The following FHIT variants were observed in gnomAD, a reference collection of about 807,000 sequenced individuals.
FHIT encodes bis(5'-adenosyl)-triphosphatase.
FHIT carries 19 observed loss-of-function variants against 17.9 expected under a neutral mutation model. That is an observed-to-expected ratio of 1.06 (90% CI 0.74 to 1.56). The LOEUF is 1.56. Among genes scored for constraint, FHIT ranks in the 40% most tolerant of loss-of-function variants. The pLI is 0.00. For missense variants in FHIT, 248 were observed against 189.2 expected (o/e 1.31, Z -1.82); for synonymous variants, 81 against 69.7 (o/e 1.16, Z -0.81).
At chr3:60,624,222 T>G (rs575051112) in intron 4 of FHIT, among the ~76,000 whole-genome samples, 79 of 152,300 alleles carry the variant, frequency 5.2e-4, no homozygotes, top group Non-Finnish European at 1.0e-3. Flanking sequence ...GGTGCCAGAA[T>G]GCAAAATGAG....
intron 5 of FHIT, among the ~76,000 whole-genome samples, chr3:60,426,031 T>C (rs768889230): frequency 2.0e-5 from 3 of 152,118 alleles, no homozygotes; most frequent in Non-Finnish European, 4.4e-5. Context: ...ACACAAGTCA[T>C]GACCAACAGA....
intron 8 of FHIT, among the ~76,000 whole-genome samples, chr3:59,850,833 A>C (rs1056578208): frequency 6.6e-6 from 1 of 152,184 alleles, no homozygotes; most frequent in African/African-American, 2.4e-5. Flanking sequence ...AACAAAAAGA[A>C]TACTACTGTG....
chr3:60,989,298 T>C (rs1002386881), intron 3 of FHIT, among the ~76,000 whole-genome samples: 1 of 152,106 alleles, frequency 6.6e-6, no homozygotes, highest in Non-Finnish European at 1.5e-5. Flanking sequence ...CACAGGTGTG[T>C]ACCACCACAC....
chr3:59,843,537 A>T (rs1210691239), intron 8 of FHIT, among the ~76,000 whole-genome samples: 1 of 152,162 alleles, frequency 6.6e-6, no homozygotes, highest in Non-Finnish European at 1.5e-5. Context: ...AAATCTTCTA[A>T]TCCATAAACA....
At chr3:60,753,896 G>A (rs372153915) in intron 4 of FHIT, among the ~76,000 whole-genome samples, 4 of 152,066 alleles carry the variant, frequency 2.6e-5, no homozygotes, top group Admixed American at 6.6e-5. Flanking sequence ...TTTTAAGTAT[G>A]TAAGGCCTGT....
chr3:60,010,945 G>T (rs1384076712), intron 7 of FHIT, among the ~76,000 whole-genome samples: 1 of 152,138 alleles, frequency 6.6e-6, no homozygotes, highest in Non-Finnish European at 1.5e-5. Flanking sequence ...TACTGCTGCG[G>T]TTATTGCTTC....
At chr3:60,792,829 ATTTC>A (rs1553728945) in intron 4 of FHIT, among the ~76,000 whole-genome samples, 1 of 124,048 alleles carries the variant, frequency 8.1e-6, no homozygotes, top group Non-Finnish European at 1.6e-5. Flanking sequence ...CGAGAAAACA[ATTTC>A]TTTTTTTTTT....
chr3:61,101,484 C>G (rs1249632829), intron 2 of FHIT, among the ~76,000 whole-genome samples: 3 of 152,160 alleles, frequency 2.0e-5, no homozygotes, highest in Non-Finnish European at 1.5e-5. Context: ...AGTTTGAAGT[C>G]AGGTAGCAGG....
At chr3:60,312,976 C>T (rs1214496161) in intron 5 of FHIT, among the ~76,000 whole-genome samples, 1 of 152,176 alleles carries the variant, frequency 6.6e-6, no homozygotes, top group Non-Finnish European at 1.5e-5. Context: ...CGAGTGCATC[C>T]ATAACCCAGT....
intron 4 of FHIT, among the ~76,000 whole-genome samples, chr3:60,754,367 A>T (rs2108038732): frequency 6.6e-6 from 1 of 152,330 alleles, no homozygotes; most frequent in East Asian, 1.9e-4. Flanking sequence ...GGAATCTCAC[A>T]TACGAGTAGA....
intron 8 of FHIT, among the ~76,000 whole-genome samples, chr3:59,878,743 G>A (rs1313113676): frequency 1.4e-4 from 22 of 152,174 alleles, no homozygotes; most frequent in Admixed American, 1.4e-3. Flanking sequence ...CATAGTTATT[G>A]ACGAGCGTTT....
At chr3:60,008,383 T>C (rs1040450006) in intron 7 of FHIT, among the ~76,000 whole-genome samples, 3 of 152,158 alleles carry the variant, frequency 2.0e-5, no homozygotes, top group Non-Finnish European at 4.4e-5. Flanking sequence ...GTCACTTTTT[T>C]ACTTTGATAT....
intron 5 of FHIT, among the ~76,000 whole-genome samples, chr3:60,415,862 T>C (rs1179526480): frequency 3.4e-5 from 4 of 117,874 alleles, no homozygotes; most frequent in Non-Finnish European, 7.7e-5. Context: ...ATATAAGATA[T>C]TATTATATAA....
intron 5 of FHIT, among the ~76,000 whole-genome samples, chr3:60,199,953 T>C (rs1163697058): frequency 6.6e-6 from 1 of 152,130 alleles, no homozygotes. Context: ...CAGACACTAA[T>C]ATTCTTTTGT....
At chr3:60,132,265 T>C (rs754536854) in intron 5 of FHIT, among the ~76,000 whole-genome samples, 6 of 152,216 alleles carry the variant, frequency 3.9e-5, no homozygotes, top group Non-Finnish European at 8.8e-5. Flanking sequence ...ATTCTCTCAC[T>C]ATCACACAAG....
chr3:60,777,352 G>A (rs545829210), intron 4 of FHIT, among the ~76,000 whole-genome samples: 23 of 152,310 alleles, frequency 1.5e-4, no homozygotes, highest in Admixed American at 4.6e-4. Flanking sequence ...AACTCAAAGC[G>A]GAGCCTTCCA....
chr3:60,110,149 C>T (rs1704608280), intron 5 of FHIT, among the ~76,000 whole-genome samples: 2 of 152,128 alleles, frequency 1.3e-5, no homozygotes, highest in African/African-American at 4.8e-5. Context: ...CATATGAGGA[C>T]ACGGGGGGTT....
At position 59,999,784 on chromosome 3, in the gene FHIT, T is replaced by C. The variant is rs80074713; in HGVS notation, c.279+11587A>G. 1.1e-3 allele frequency among the ~76,000 whole-genome samples: 165 copies of C among 152,154 alleles called. 1 individual carries two copies. In the East Asian group the frequency reaches 0.029, roughly 26 times the overall value. ...CACCACACCTGGCTAATTTTTGTAG[T>C]TTTAGTAGAGACAGGGTTTCACCAT... On this transcript the variant is annotated intron_variant, in intron 7 of 9. Coordinates refer to ENST00000492590, the MANE Select transcript of FHIT (RefSeq NM_002012.4).
chr3:59,889,988 C>T (rs1289827450), intron 8 of FHIT, among the ~76,000 whole-genome samples: 1 of 152,130 alleles, frequency 6.6e-6, no homozygotes, highest in Non-Finnish European at 1.5e-5. Context: ...TCCTTAGAAT[C>T]TTAGGCAAAG....
Sources: gnomAD v4.1 joint callset for allele counts (sites outside exome capture counted in the v4.1 genomes callset) on GRCh38, gnomAD v4.1.1 for gene constraint, MANE v1.5 for transcripts, NCBI Gene and HGNC (gene_info 2026-07-23, HGNC 2026-07-21) for gene names.